DNAH6: variants seen among roughly 807,000 people sequenced by gnomAD.
DNAH6 encodes the protein dynein axonemal heavy chain 6, also known as axonemal beta dynein heavy chain 6.
A neutral mutation model predicts 491.4 loss-of-function variants in DNAH6; 340 were observed. That is an observed-to-expected ratio of 0.69 (90% CI 0.63 to 0.76). DNAH6 has a LOEUF of 0.76. Among genes scored for constraint, DNAH6 ranks in the 30% least tolerant of loss-of-function variants. The probability of loss-of-function intolerance (pLI) is 0.00; values close to 1 mark genes in which losing one functional copy is unlikely to be tolerated. For missense variants in DNAH6, 4,443 were observed against 4,972.2 expected (o/e 0.89, Z 3.20); for synonymous variants, 1,603 against 1,686.1 (o/e 0.95, Z 1.21).
At chr2:84,778,409 A>T (rs887245984) in intron 64 of DNAH6, among the ~76,000 whole-genome samples, 2 of 152,124 alleles carry the variant, frequency 1.3e-5, no homozygotes, top group Non-Finnish European at 2.9e-5. Flanking sequence ...TCTTCTGCTA[A>T]CTTCAGGATT....
intron 33 of DNAH6, among the ~76,000 whole-genome samples, chr2:84,642,305 A>G (rs1689489303): frequency 1.3e-5 from 2 of 152,214 alleles, no homozygotes; most frequent in South Asian, 2.1e-4. Flanking sequence ...GCATTTGGCC[A>G]TAAGTTCCTG....
rs745773782 is a variant in DNAH6, at chr2:84,523,643, G to A, written c.226-1922G>A. Among the ~76,000 whole-genome samples, 10 of 152,158 alleles carry A rather than the reference G, an allele frequency of 6.6e-5. No homozygotes were observed. The East Asian group carries it at 7.7e-4, about 12-fold the overall frequency. ...CCTTAACTGTGTCCCAGAGATTCTA[G>A]TATGTTGTATCTTTGTTCTTATTAG... is the stretch of plus-strand genomic sequence containing the variant. On this transcript the variant is annotated intron_variant, in intron 2 of 76. Transcript: ENST00000389394.
intron 37 of DNAH6, among the ~76,000 whole-genome samples, chr2:84,666,332 T>G (rs1289452966): frequency 6.6e-6 from 1 of 152,192 alleles, no homozygotes; most frequent in Non-Finnish European, 1.5e-5. Flanking sequence ...GCAGATGACA[T>G]GATTGTATAT....
chr2:84,519,045 T>TA (rs1477386418), intron 2 of DNAH6, among the ~76,000 whole-genome samples: 1 of 151,836 alleles, frequency 6.6e-6, no homozygotes, highest in Non-Finnish European at 1.5e-5. Flanking sequence ...ATCCTATCTC[T>TA]AAAAAAAGAA....
intron 33 of DNAH6, 54 bp from the exon 34 acceptor site, chr2:84,653,265 G>C (rs759602447): frequency 1.5e-6 from 2 of 1,324,660 alleles, no homozygotes; most frequent in Non-Finnish European, 2.0e-6. Context: ...TAACAAATAC[G>C]GGAAAATATC....
intron 68 of DNAH6, among the ~76,000 whole-genome samples, chr2:84,794,436 A>G (rs1471600229): frequency 1.3e-5 from 2 of 151,376 alleles, no homozygotes; most frequent in Non-Finnish European, 3.0e-5. Flanking sequence ...CATCTGACAA[A>G]GGGTTAATAT....
At chr2:84,542,293 A>T (rs1678330343) in intron 4 of DNAH6, among the ~76,000 whole-genome samples, 1 of 152,316 alleles carries the variant, frequency 6.6e-6, no homozygotes, top group East Asian at 1.9e-4. Flanking sequence ...TTTCAGTGGC[A>T]AATTGAAGTT....
intron 37 of DNAH6, among the ~76,000 whole-genome samples, chr2:84,666,296 A>C (rs1692118447): frequency 6.6e-6 from 1 of 152,176 alleles, no homozygotes. Flanking sequence ...CAATTAGGAA[A>C]AGAGGAAGTC....
intron 76 of DNAH6, among the ~76,000 whole-genome samples, chr2:84,817,881 G>A (rs1376106069): frequency 6.6e-6 from 1 of 152,122 alleles, no homozygotes; most frequent in Non-Finnish European, 1.5e-5. Flanking sequence ...CTAATAAAGT[G>A]ACAGCTCACC....
chr2:84,537,739 G>T (rs555717397), intron 4 of DNAH6, among the ~76,000 whole-genome samples: 2 of 152,160 alleles, frequency 1.3e-5, no homozygotes, highest in South Asian at 2.1e-4. Context: ...CTCCCTAGTA[G>T]ATGGTAGGTG....
intron 75 of DNAH6, 139 bp from the exon 76 acceptor site, chr2:84,815,722 C>T: frequency 1.5e-6 from 1 of 661,542 alleles, no homozygotes. Context: ...GGATTGACCT[C>T]TCTAAAATGT....
At chr2:84,500,598 T>C in the DNAH6 span, among the ~76,000 whole-genome samples, 1 of 152,204 alleles carries the variant, frequency 6.6e-6, no homozygotes, top group Non-Finnish European at 1.5e-5. Context: ...AGGGATTCCA[T>C]TGAAACTGTA....
chr2:84,621,461 T>C lies in DNAH6; in HGVS notation c.3981T>C (p.Ile1327=). Residue 1327 remains isoleucine (I), a synonymous_variant, in exon 26 of 77, where the codon ATT becomes ATC. Coordinates refer to ENST00000389394, the MANE Select transcript of DNAH6 (RefSeq NM_001370.2). ...AGGTTATCCTGACTGTTTCTCAAAT[T>C]ATGTGGTGCCGTGATTTGACTGAAT... ...PSQVILTVSQ[I]MWCRDLTECL... is the part of the protein sequence containing the mutation. The C allele has an allele frequency of 6.5e-7, 1 of 1,539,758 alleles. No individual in the cohort carries two copies. The highest frequency in any genetic ancestry group is 8.8e-7 in the Non-Finnish European group (1 of 1,136,818).
Position 84,745,199 on chromosome 2 carries a change from T to C in DNAH6, c.10462T>C (p.Leu3488=), listed in dbSNP as rs763510367. ...ACACCAAGATCCATGGAGTGCAGGA[T>C]TGAGTTCTTTCCATAAGCTAATTCT... is the stretch of plus-strand genomic sequence containing the variant. ...AAHQDPWSAG[L]SSFHKLILIK... The change falls in exon 63 of 77, where the codon TTG becomes CTG. Residue 3488 remains leucine (L), a synonymous_variant. Coordinates refer to ENST00000389394, the MANE Select transcript of DNAH6 (RefSeq NM_001370.2). 36 of 1,542,660 alleles carry C rather than the reference T, an allele frequency of 2.3e-5. No individual in the cohort carries two copies. In the South Asian group the frequency reaches 3.6e-4, roughly 15 times the overall value.
rs1365397147 is a variant in DNAH6, at chr2:84,733,452, A to G, written c.10215A>G (p.Pro3405=). Residue 3405 remains proline, a synonymous_variant, in exon 62 of 77, where the codon CCA becomes CCG. Transcript: ENST00000389394. ...TTTCTGTCTTCAAACAGGAACGCCC[A>G]CCTAAGCCTGAAGCTCCCTGGCTAC... is the stretch of plus-strand genomic sequence containing the variant. ...RGSAGLEKER[P]PKPEAPWLPT... 6.4e-7 allele frequency: 1 copy of G among 1,550,968 alleles called. No individual in the cohort carries two copies. The highest frequency in any genetic ancestry group is 1.2e-5 in the South Asian group (1 of 83,946).
At position 84,699,608 on chromosome 2, in the gene DNAH6, T is replaced by C. The variant is rs1484007555; in HGVS notation, c.7692T>C (p.Phe2564=). The part of the protein sequence containing the change: ...EGNRDEVFQY[F]ISKVRQKLHI... ...CTTTTTGTCAGGTGTTTCAATACTTTATCAGCAAAGTGCGTCAGAAGCTGC... is the reference window on the plus strand; with the variant it reads ...CTTTTTGTCAGGTGTTTCAATACTTCATCAGCAAAGTGCGTCAGAAGCTGC... Residue 2564 remains phenylalanine (F), a synonymous_variant, in exon 48 of 77, where the codon TTT becomes TTC. Coordinates refer to ENST00000389394, the MANE Select transcript of DNAH6 (RefSeq NM_001370.2). 1.9e-6 allele frequency: 3 copies of C among 1,549,602 alleles called. No homozygotes were observed. Among genetic ancestry groups the C allele is most frequent in the Admixed American group, 2.0e-5 (1 of 50,436 alleles).
intron 70 of DNAH6, among the ~76,000 whole-genome samples, chr2:84,805,130 G>T (rs1679293603): frequency 6.6e-6 from 1 of 152,172 alleles, no homozygotes; most frequent in Admixed American, 6.5e-5. Context: ...ACTGGGCCTG[G>T]CCCATTAAGT....
intron 14 of DNAH6, 67 bp downstream of exon 14, chr2:84,579,746 G>T: frequency 7.2e-7 from 1 of 1,385,972 alleles, no homozygotes; most frequent in South Asian, 1.5e-5. Flanking sequence ...CATAGGACAA[G>T]AAAAAGTGAA....
rs1387279112 is a variant in DNAH6, at chr2:84,808,561, A to G, written c.11739+19A>G. 11 of 1,550,904 alleles carry G rather than the reference A, an allele frequency of 7.1e-6. No individual in the cohort carries two copies. Among genetic ancestry groups the G allele is most frequent in the Non-Finnish European group, 9.6e-6 (11 of 1,146,284 alleles). On this transcript the variant is annotated intron_variant, in intron 72 of 76. Transcript: ENST00000389394. ...AATTCATGTATGAGAGCTTACTTTC[A>G]TCATTGCTATTGAGCATCAAAGCTT...
Sources: gnomAD v4.1 joint callset for allele counts (sites outside exome capture counted in the v4.1 genomes callset) on GRCh38, gnomAD v4.1.1 for gene constraint, MANE v1.5 for transcripts, NCBI Gene and HGNC (gene_info 2026-07-23, HGNC 2026-07-21) for gene names.